SNX9: variants seen among roughly 807,000 people sequenced by gnomAD.
SNX9 encodes sorting nexin 9, also known as sorting nexin-9.
SNX9 carries 44 observed loss-of-function variants against 89.4 expected under a neutral mutation model. The observed-to-expected ratio is 0.49, with a 90% CI of 0.39 to 0.63. The LOEUF is 0.63. Ranked by LOEUF, SNX9 falls within the 30% of genes least tolerant of loss-of-function variation. SNX9 has a pLI of 0.00. For synonymous variants in SNX9, 236 were observed against 247.8 expected (o/e 0.95, Z 0.45); for missense variants, 578 against 736.1 (o/e 0.79, Z 2.49).
intron 4 of SNX9, among the ~76,000 whole-genome samples, chr6:157,894,030 T>C (rs765457357): frequency 4.6e-5 from 7 of 151,912 alleles, no homozygotes; most frequent in Non-Finnish European, 5.9e-5. Context: ...CATGAAATGG[T>C]ATTAGGGTGA....
intron 4 of SNX9, among the ~76,000 whole-genome samples, chr6:157,877,598 A>G (rs971749960): frequency 2.0e-5 from 3 of 152,104 alleles, no homozygotes; most frequent in African/African-American, 7.2e-5. Context: ...CATTGCTTTC[A>G]TTTTCTGAAT....
chr6:157,893,599 T>C (rs3805775), intron 4 of SNX9, among the ~76,000 whole-genome samples: 32,788 of 134,462 alleles, frequency 0.24, 3,616 homozygotes, highest in South Asian at 0.27. Context: ...TTTTTTTAAC[T>C]AGCACCATTT....
chr6:157,830,925 T>G (rs759817457), intron 1 of SNX9, among the ~76,000 whole-genome samples: 56 of 152,218 alleles, frequency 3.7e-4, no homozygotes, highest in Non-Finnish European at 6.9e-4. Flanking sequence ...TTTCATTTGT[T>G]CTTACCTTCT....
At chr6:157,845,096 C>T (rs976443005) in intron 1 of SNX9, among the ~76,000 whole-genome samples, 1 of 149,806 alleles carries the variant, frequency 6.7e-6, no homozygotes, top group African/African-American at 2.5e-5. Context: ...CTGGCCCTTT[C>T]CCATTTGTCT....
rs1335147701 is a variant in SNX9 at position 157,891,521 on chromosome 6, T to C, written c.301-5306T>C. Among the ~76,000 whole-genome samples the C allele has an allele frequency of 1.9e-4, 29 of 152,094 alleles. 1 individual carries two copies. Among genetic ancestry groups the C allele is most frequent in the Admixed American group, 1.9e-3 (29 of 15,272 alleles). On this transcript the variant is annotated intron_variant, in intron 4 of 17. Transcript: ENST00000392185. ...GTGATCATGTCATGAAGGTTAGAGG[T>C]CTGACAAAGAGTAAGATATATTTCA...
chr6:157,910,321 A>G (rs866452831), intron 9 of SNX9, among the ~76,000 whole-genome samples: 1 of 152,272 alleles, frequency 6.6e-6, no homozygotes, highest in South Asian at 2.1e-4. Context: ...AGAAATGTGT[A>G]CATTTAAAAT....
chr6:157,936,706 T>A (rs539217557), intron 14 of SNX9, among the ~76,000 whole-genome samples: 1 of 152,176 alleles, frequency 6.6e-6, no homozygotes, highest in African/African-American at 2.4e-5. Flanking sequence ...TTCTTAAGAT[T>A]TAATAGCTCA....
intron 1 of SNX9, among the ~76,000 whole-genome samples, chr6:157,840,925 A>G (rs545138342): frequency 1.3e-5 from 2 of 152,330 alleles, no homozygotes; most frequent in South Asian, 4.1e-4. Context: ...ACTGGTGGCC[A>G]CATAGACATA....
At chr6:157,888,245 C>T (rs1445985146) in intron 4 of SNX9, among the ~76,000 whole-genome samples, 1 of 152,146 alleles carries the variant, frequency 6.6e-6, no homozygotes, top group Non-Finnish European at 1.5e-5. Context: ...TTTAACTTGG[C>T]TATTTCTGTT....
At chr6:157,933,027 G>A (rs1783846934) in intron 13 of SNX9, among the ~76,000 whole-genome samples, 1 of 152,050 alleles carries the variant, frequency 6.6e-6, no homozygotes, top group African/African-American at 2.4e-5. Context: ...GGATCCCTTT[G>A]TGGTTTACAT....
intron 1 of SNX9, among the ~76,000 whole-genome samples, chr6:157,835,019 A>T (rs779421179): frequency 7.9e-5 from 12 of 152,062 alleles, no homozygotes; most frequent in Admixed American, 3.9e-4. Context: ...TTTTAAATTT[A>T]ATTTTATTTT....
At chr6:157,936,280 C>T (rs897066507) in intron 14 of SNX9, among the ~76,000 whole-genome samples, 2 of 152,192 alleles carry the variant, frequency 1.3e-5, no homozygotes, top group Non-Finnish European at 2.9e-5. Flanking sequence ...TAATCTGGCA[C>T]TTTGGGAGGC....
At chr6:157,887,689 T>G (rs541039905) in intron 4 of SNX9, among the ~76,000 whole-genome samples, 1 of 152,240 alleles carries the variant, frequency 6.6e-6, no homozygotes, top group Non-Finnish European at 1.5e-5. Context: ...TTTGTTTTCA[T>G]TGGGAGCATA....
chr6:157,828,266 A>T (rs1389451083), intron 1 of SNX9, among the ~76,000 whole-genome samples: 1 of 152,164 alleles, frequency 6.6e-6, no homozygotes, highest in Non-Finnish European at 1.5e-5. Context: ...AAGATGAACA[A>T]GTCTCATTAA....
intron 1 of SNX9, among the ~76,000 whole-genome samples, chr6:157,828,009 CATAGA>C (rs1781414012): frequency 6.6e-6 from 1 of 151,964 alleles, no homozygotes; most frequent in African/African-American, 2.4e-5. Flanking sequence ...TTATTCCATG[CATAGA>C]TTAGTGAGAA....
At chr6:157,892,091 A>T (rs1362732138) in intron 4 of SNX9, among the ~76,000 whole-genome samples, 1 of 152,050 alleles carries the variant, frequency 6.6e-6, no homozygotes. Flanking sequence ...GAGGATGAAG[A>T]TGCTGCTCAG....
intron 1 of SNX9, among the ~76,000 whole-genome samples, chr6:157,831,194 T>C (rs1367428262): frequency 1.3e-5 from 2 of 152,172 alleles, no homozygotes; most frequent in Non-Finnish European, 2.9e-5. Context: ...TGGTGCTTTG[T>C]TTTCTTGTGT....
chr6:157,865,207 T>C (rs1474410645), intron 1 of SNX9, among the ~76,000 whole-genome samples: 1 of 149,802 alleles, frequency 6.7e-6, no homozygotes, highest in African/African-American at 2.5e-5. Flanking sequence ...AGTGTGGTGG[T>C]AGGCGCCTGT....
At chr6:157,935,140 A>C (rs1007595304) in intron 13 of SNX9, among the ~76,000 whole-genome samples, 5 of 152,226 alleles carry the variant, frequency 3.3e-5, no homozygotes, top group Admixed American at 3.3e-4. Context: ...GAAAGAATTA[A>C]GCACTTAACC....
Sources: gnomAD v4.1 joint callset for allele counts (sites outside exome capture counted in the v4.1 genomes callset) on GRCh38, gnomAD v4.1.1 for gene constraint, MANE v1.5 for transcripts, NCBI Gene and HGNC (gene_info 2026-07-23, HGNC 2026-07-21) for gene names.